The following SEMA6D variants were observed in gnomAD, a reference collection of about 807,000 sequenced individuals.
SEMA6D encodes semaphorin-6D.
A neutral mutation model predicts 106.6 loss-of-function variants in SEMA6D; 35 were observed. The ratio of observed to expected loss-of-function variants is 0.33; its 90% CI spans 0.25 to 0.44. The LOEUF (loss-of-function observed/expected upper bound fraction) is 0.44. SEMA6D is among the 20% of genes least tolerant of loss of function. The probability of loss-of-function intolerance (pLI) is 1.00; values close to 1 mark genes in which losing one functional copy is unlikely to be tolerated. For synonymous variants in SEMA6D, 499 were observed against 487.7 expected (o/e 1.02, Z -0.31); for missense variants, 1,185 against 1,345.9 (o/e 0.88, Z 1.87).
At chr15:47,426,077 G>C (rs1595966250) in intron 2 of SEMA6D, among the ~76,000 whole-genome samples, 1 of 152,178 alleles carries the variant, frequency 6.6e-6, no homozygotes, top group Admixed American at 6.5e-5. Flanking sequence ...CTCATGTCTT[G>C]AAAGCCTTTT....
chr15:47,770,851 G>A lies in SEMA6D; in HGVS notation c.2288G>A (p.Gly763Glu), dbSNP rs1159866324. The A allele has an allele frequency of 6.2e-7, 1 of 1,613,956 alleles. No homozygotes were observed. The highest frequency in any genetic ancestry group is 1.1e-5 in the South Asian group (1 of 91,076). The change falls in exon 19 of 19, where the codon GGG becomes GAG. Residue 763 changes from glycine to glutamate, a missense_variant. Around this residue, in one of 3 missense-constraint regions of SEMA6D, gnomAD observed 750 missense variants for 783.5 expected, o/e 0.96. Coordinates refer to ENST00000536845, the MANE Select transcript of SEMA6D (RefSeq NM_001358351.3). ...DTKSMVMDHR[G>E]QPPELAALPT... ...AAATCCATGGTAATGGACCATCGAG[G>A]GCAACCTCCAGAGTTGGCTGCTCTT...
At chr15:47,191,903 C>G (rs1187991475) in intron 1 of SEMA6D, among the ~76,000 whole-genome samples, 2 of 152,098 alleles carry the variant, frequency 1.3e-5, no homozygotes, top group Non-Finnish European at 2.9e-5. Flanking sequence ...GATGGAGAAT[C>G]AAGAAAGTCG....
intron 3 of SEMA6D, among the ~76,000 whole-genome samples, chr15:47,588,131 A>T (rs1374242043): frequency 1.3e-5 from 2 of 151,734 alleles, no homozygotes; most frequent in African/African-American, 4.8e-5. Flanking sequence ...TCCCATACAC[A>T]CTCCTAGTCC....
chr15:47,748,201 G>C (rs1474611894), intron 1 of SEMA6D, among the ~76,000 whole-genome samples: 1 of 152,234 alleles, frequency 6.6e-6, no homozygotes, highest in African/African-American at 2.4e-5. Flanking sequence ...AGGCTAATGA[G>C]GATATTGTGC....
intron 3 of SEMA6D, among the ~76,000 whole-genome samples, chr15:47,506,347 T>C (rs1047226323): frequency 1.3e-5 from 2 of 152,170 alleles, no homozygotes; most frequent in African/African-American, 4.8e-5. Context: ...TGTTAGACTT[T>C]AGTATCGTTT....
intron 1 of SEMA6D, among the ~76,000 whole-genome samples, chr15:47,229,620 G>A (rs1195526883): frequency 6.7e-6 from 1 of 150,054 alleles, no homozygotes; most frequent in African/African-American, 2.4e-5. Flanking sequence ...GCATACCTTT[G>A]GTACTAGCAT....
chr15:47,708,191 T>C (rs934368285), intron 4 of SEMA6D, among the ~76,000 whole-genome samples: 1 of 152,188 alleles, frequency 6.6e-6, no homozygotes, highest in African/African-American at 2.4e-5. Context: ...AAAATCTGTC[T>C]TCTAAACACA....
upstream of SEMA6D, chr15:47,716,938 G>C (rs921409342): frequency 5.6e-5 from 5 of 88,906 alleles, no homozygotes; most frequent in East Asian, 4.1e-4. Flanking sequence ...GGGCGGGGGG[G>C]TAATGTGGGG....
chr15:47,757,741 G>A (rs561152739), intron 1 of SEMA6D, among the ~76,000 whole-genome samples: 1 of 152,228 alleles, frequency 6.6e-6, no homozygotes, highest in East Asian at 1.9e-4. Context: ...AAAATAACTG[G>A]CCAAATAACC....
chr15:47,304,433 T>TAA lies in SEMA6D; in HGVS notation c.-238-107925_-238-107924dup, dbSNP rs56185341. Among the ~76,000 whole-genome samples, 126 of 93,808 alleles carry TAA rather than the reference T, an allele frequency of 1.3e-3. 11 individuals are homozygous for TAA. The highest frequency in any genetic ancestry group is 4.9e-3 in the African/African-American group (80 of 16,332). 61.5% of individuals were successfully genotyped at this position (93,808 alleles called of 152,430 possible). A position where few individuals can be genotyped will look rare whatever the true frequency, so the allele number is the denominator to read the frequency against. ...TGCACTCCAGCCTGAGCCTTCTAAC[T>TAA]AAAAAAAAAAAAAAAAAAAAAAAAA... On this transcript the variant is annotated intron_variant, in intron 1 of 19. Transcript: ENST00000558014.
At chr15:47,578,383 G>A (rs1299864476) in intron 3 of SEMA6D, among the ~76,000 whole-genome samples, 1 of 152,344 alleles carries the variant, frequency 6.6e-6, no homozygotes, top group African/African-American at 2.4e-5. Context: ...GAGGACTACT[G>A]TTCCTTCAGA....
intron 1 of SEMA6D, among the ~76,000 whole-genome samples, chr15:47,275,951 G>T (rs1357632015): frequency 6.6e-6 from 1 of 152,082 alleles, no homozygotes; most frequent in African/African-American, 2.4e-5. Context: ...TGAATGATAT[G>T]AAAGCGAAAC....
chr15:47,674,427 G>A (rs1022573323), intron 4 of SEMA6D, among the ~76,000 whole-genome samples: 1 of 152,122 alleles, frequency 6.6e-6, no homozygotes, highest in Admixed American at 6.5e-5. Context: ...ACTAAAGCAT[G>A]GTCTTTGAGA....
intron 2 of SEMA6D, among the ~76,000 whole-genome samples, chr15:47,465,091 G>T (rs957911342): frequency 5.3e-5 from 8 of 152,106 alleles, no homozygotes; most frequent in African/African-American, 1.9e-4. Context: ...AACTAAATGT[G>T]CCTTGCACAG....
At chr15:47,625,225 TACC>T (rs2077180327) in intron 4 of SEMA6D, among the ~76,000 whole-genome samples, 2 of 152,176 alleles carry the variant, frequency 1.3e-5, no homozygotes, top group Admixed American at 1.3e-4. Flanking sequence ...CAAAACCCAG[TACC>T]CAGCTTATGG....
intron 1 of SEMA6D, among the ~76,000 whole-genome samples, chr15:47,254,896 T>TGC (rs2033719465): frequency 6.6e-6 from 1 of 151,406 alleles, no homozygotes; most frequent in Non-Finnish European, 1.5e-5. Context: ...TGTGTGTGTG[T>TGC]GTGTGTGTGT....
chr15:47,558,137 G>A (rs771149234), intron 3 of SEMA6D, among the ~76,000 whole-genome samples: 1 of 152,118 alleles, frequency 6.6e-6, no homozygotes, highest in Non-Finnish European at 1.5e-5. Flanking sequence ...AATCGTGGTA[G>A]ATCATCTGTA....
intron 1 of SEMA6D, among the ~76,000 whole-genome samples, chr15:47,230,215 C>T (rs1329538199): frequency 1.3e-5 from 2 of 151,978 alleles, no homozygotes; most frequent in East Asian, 1.9e-4. Context: ...TAATCTGCTC[C>T]AGTTTTTGCC....
At chr15:47,246,540 C>T (rs1045408490) in intron 1 of SEMA6D, among the ~76,000 whole-genome samples, 6 of 152,144 alleles carry the variant, frequency 3.9e-5, no homozygotes, top group Non-Finnish European at 2.9e-5. Context: ...CTTGCTTTTC[C>T]AGCTTCCGGA....
Sources: allele counts gnomAD v4.1 joint callset (sites outside exome capture counted in the v4.1 genomes callset), GRCh38; gene constraint gnomAD v4.1.1; regional missense constraint gnomAD v4.1.1; transcripts MANE v1.5; gene names NCBI Gene and HGNC (gene_info 2026-07-23, HGNC 2026-07-21).